EPHB1: variants seen among roughly 807,000 people sequenced by gnomAD.
EPHB1 encodes the protein ephrin type-B receptor 1.
In EPHB1, 30 loss-of-function variants were observed where a neutral mutation model predicts 94.4. The observed-to-expected ratio is 0.32, with a 90% CI of 0.24 to 0.43. EPHB1 has a LOEUF of 0.43. EPHB1 is among the 20% of genes least tolerant of loss of function. EPHB1 has a pLI of 1.00. For synonymous variants in EPHB1, 522 were observed against 489.1 expected (o/e 1.07, Z -0.89); for missense variants, 1,055 against 1,308.3 (o/e 0.81, Z 2.99).
At chr3:134,896,202 A>G (rs774678363) in intron 1 of EPHB1, among the ~76,000 whole-genome samples, 4 of 151,670 alleles carry the variant, frequency 2.6e-5, no homozygotes, top group Non-Finnish European at 5.9e-5. Context: ...CCAGCTGCTC[A>G]CGGGCCCATA....
intron 3 of EPHB1, among the ~76,000 whole-genome samples, chr3:135,038,736 C>T (rs1263838271): frequency 2.0e-5 from 3 of 152,156 alleles, no homozygotes; most frequent in East Asian, 1.9e-4. Context: ...TGCAGACCTT[C>T]GCGGTGAGTG....
At chr3:134,904,249 C>A (rs147966497) in intron 1 of EPHB1, among the ~76,000 whole-genome samples, 2 of 152,224 alleles carry the variant, frequency 1.3e-5, no homozygotes, top group Non-Finnish European at 2.9e-5. Context: ...CGCAACACAT[C>A]GCCTGTTTGC....
intron 3 of EPHB1, among the ~76,000 whole-genome samples, chr3:135,068,921 A>G (rs1421764322): frequency 6.6e-6 from 1 of 151,408 alleles, no homozygotes; most frequent in African/African-American, 2.4e-5. Flanking sequence ...GTGCTGGATC[A>G]GGTAATGGGG....
chr3:135,208,863 C>A (rs1942966131), intron 12 of EPHB1, among the ~76,000 whole-genome samples: 1 of 152,100 alleles, frequency 6.6e-6, no homozygotes, highest in African/African-American at 2.4e-5. Flanking sequence ...TCCATATACT[C>A]CCCTAAAAGC....
rs1363331936 is a variant in EPHB1 at position 135,053,986 on chromosome 3, TG to T, written c.806-52461del. ...TAGCTTGGGTGACAGAATGAGATCCTGTCTCTAAATATATATACATGTGCAT... is the reference window on the plus strand; with the variant it reads ...TAGCTTGGGTGACAGAATGAGATCCTTCTCTAAATATATATACATGTGCAT... On this transcript the variant is annotated intron_variant, in intron 3 of 15. Coordinates refer to ENST00000398015, the MANE Select transcript of EPHB1 (RefSeq NM_004441.5). Among the ~76,000 whole-genome samples the T allele has an allele frequency of 2.6e-5, 4 of 151,568 alleles. No homozygotes were observed. In the East Asian group the frequency reaches 7.8e-4, roughly 29 times the overall value.
At chr3:135,208,018 A>G (rs1438012360) in intron 12 of EPHB1, among the ~76,000 whole-genome samples, 5 of 152,162 alleles carry the variant, frequency 3.3e-5, no homozygotes, top group African/African-American at 7.2e-5. Context: ...ACTTAAACAT[A>G]TGAATTTGGG....
intron 12 of EPHB1, among the ~76,000 whole-genome samples, chr3:135,233,430 G>A (rs957888823): frequency 1.3e-5 from 2 of 152,220 alleles, no homozygotes; most frequent in Non-Finnish European, 2.9e-5. Flanking sequence ...ACAAGAGGTG[G>A]GCTCCCACAG....
chr3:135,114,379 TCA>T (rs1939588007), intron 4 of EPHB1, among the ~76,000 whole-genome samples: 1 of 151,690 alleles, frequency 6.6e-6, no homozygotes, highest in Non-Finnish European at 1.5e-5. Context: ...GGAATCTGCC[TCA>T]CTGCACTGTT....
At chr3:134,832,466 G>T (rs2036597835) in intron 1 of EPHB1, among the ~76,000 whole-genome samples, 1 of 152,192 alleles carries the variant, frequency 6.6e-6, no homozygotes, top group Non-Finnish European at 1.5e-5. Context: ...CCTGAGACCT[G>T]TTCATGGCGG....
intron 3 of EPHB1, among the ~76,000 whole-genome samples, chr3:135,008,139 A>C (rs1338398896): frequency 6.6e-6 from 1 of 152,236 alleles, no homozygotes; most frequent in Non-Finnish European, 1.5e-5. Flanking sequence ...AGATGGGGGC[A>C]TGCAGGGCAA....
intron 12 of EPHB1, among the ~76,000 whole-genome samples, chr3:135,230,984 T>C (rs1369973940): frequency 6.6e-6 from 1 of 152,222 alleles, no homozygotes; most frequent in Non-Finnish European, 1.5e-5. Flanking sequence ...GAGCACCTAA[T>C]GTTGATTCCA....
chr3:135,147,897 T>C (rs1213791955), intron 5 of EPHB1, among the ~76,000 whole-genome samples: 1 of 152,230 alleles, frequency 6.6e-6, no homozygotes, highest in African/African-American at 2.4e-5. Context: ...AACACTGTTT[T>C]CCCTTTTAGA....
At position 135,166,821 on chromosome 3, in the gene EPHB1, T is replaced by G. The variant is rs1023037724; in HGVS notation, c.1695-121T>G. On this transcript the variant is annotated intron_variant, in intron 8 of 15. Transcript: ENST00000398015. Reference sequence around the variant, plus strand: ...GAGGGCTGAAGTGAGAGTTGCCCAGTCCCTAATCCTGGGAGATGCCCCGGG... The same window carrying G: ...GAGGGCTGAAGTGAGAGTTGCCCAGGCCCTAATCCTGGGAGATGCCCCGGG... 4.2e-6 allele frequency: 4 copies of G among 959,366 alleles called. No individual in the cohort carries two copies. In the African/African-American group the frequency reaches 4.9e-5, roughly 12 times the overall value. 59.4% of individuals were successfully genotyped at this position (959,366 alleles called of 1,614,324 possible).
intron 12 of EPHB1, among the ~76,000 whole-genome samples, chr3:135,203,397 A>C (rs182196010): frequency 3.5e-4 from 53 of 152,354 alleles, no homozygotes; most frequent in Non-Finnish European, 5.9e-4. Flanking sequence ...TGTGTATCCC[A>C]GAACTTAAAG....
At chr3:135,050,323 C>T (rs1937134486) in intron 3 of EPHB1, among the ~76,000 whole-genome samples, 1 of 152,142 alleles carries the variant, frequency 6.6e-6, no homozygotes, top group South Asian at 2.1e-4. Context: ...TAAAAGTCAC[C>T]TTGATCCCCA....
rs541095826 is a variant in EPHB1, at chr3:135,132,954, C to G, written c.1202C>G (p.Pro401Arg). 91 of 1,614,016 alleles carry G rather than the reference C, an allele frequency of 5.6e-5. No homozygotes were observed. The highest frequency in any genetic ancestry group is 7.1e-5 in the Non-Finnish European group (84 of 1,179,872). The change falls in exon 5 of 16, where the codon CCC becomes CGC. Residue 401 changes from proline to arginine, a missense_variant. Coordinates refer to ENST00000398015, the MANE Select transcript of EPHB1 (RefSeq NM_004441.5). ...VSISSLWAHT[P>R]YTFDIQAING... ...ATCAGCAGCCTGTGGGCCCACACCC[C>G]CTACACCTTTGACATCCAGGCCATC...
chr3:134,961,605 G>A (rs1357117296), intron 3 of EPHB1, among the ~76,000 whole-genome samples: 1 of 152,114 alleles, frequency 6.6e-6, no homozygotes, highest in Non-Finnish European at 1.5e-5. Flanking sequence ...GCAGAGAGTC[G>A]ATGGATTTGT....
At chr3:135,033,098 T>C (rs1254408607) in intron 3 of EPHB1, among the ~76,000 whole-genome samples, 1 of 152,154 alleles carries the variant, frequency 6.6e-6, no homozygotes, top group African/African-American at 2.4e-5. Flanking sequence ...CCCTGAAGAA[T>C]GACTAGCACT....
At chr3:135,149,027 T>C (rs1001591572) in intron 5 of EPHB1, among the ~76,000 whole-genome samples, 15 of 152,244 alleles carry the variant, frequency 9.9e-5, no homozygotes, top group African/African-American at 3.4e-4. Flanking sequence ...CTGTACTCTG[T>C]TGGGTCAGCC....
Sources: gnomAD v4.1 joint callset for allele counts (sites outside exome capture counted in the v4.1 genomes callset) on GRCh38, gnomAD v4.1.1 for gene constraint, MANE v1.5 for transcripts, NCBI Gene and HGNC (gene_info 2026-07-23, HGNC 2026-07-21) for gene names.